FGF13: variants seen among roughly 807,000 people sequenced by gnomAD.
FGF13 encodes fibroblast growth factor homologous factor 2.
Under a neutral mutation model 19.5 loss-of-function variants are expected in FGF13, and 2 were observed. The observed-to-expected ratio is 0.10, with a 90% CI of 0.04 to 0.32. The LOEUF is 0.32. Ranked by LOEUF, FGF13 falls within the 10% of genes least tolerant of loss-of-function variation. FGF13 has a pLI of 1.00. For missense variants in FGF13, 113 were observed against 192.7 expected (o/e 0.59, Z 2.45); for synonymous variants, 72 against 76.9 (o/e 0.94, Z 0.33).
At chrX:139,161,380 C>A (rs1217470842) in intron 1 of FGF13, among the ~76,000 whole-genome samples, 3 of 111,618 alleles carry the variant, frequency 2.7e-5, no homozygotes, top group Non-Finnish European at 3.8e-5. Context: ...AACCCACAGT[C>A]AATATCATAA....
chrX:139,011,171 C>T (rs1317753372), intron 1 of FGF13, among the ~76,000 whole-genome samples: 1 of 110,454 alleles, frequency 9.1e-6, no homozygotes, highest in Non-Finnish European at 1.9e-5. Context: ...TAAAAATTGT[C>T]AGCAAAATAA....
chrX:138,842,924 C>T (rs1441082096), intron 3 of FGF13, among the ~76,000 whole-genome samples: 1 of 111,882 alleles, frequency 8.9e-6, no homozygotes, highest in Non-Finnish European at 1.9e-5. Context: ...AAAAGAATCA[C>T]TAACAGATTT....
At chrX:138,999,626 A>T (rs767554429) in intron 1 of FGF13, among the ~76,000 whole-genome samples, 10 of 112,171 alleles carry the variant, frequency 8.9e-5, no homozygotes, top group East Asian at 5.6e-4. Flanking sequence ...CCCTCCCAAG[A>T]CTAAATCAGG....
chrX:138,874,186 T>TA (rs560392617), intron 1 of FGF13, among the ~76,000 whole-genome samples: 67 of 94,375 alleles, frequency 7.1e-4, no homozygotes, highest in South Asian at 1.5e-3. Context: ...AAAGTAAAAT[T>TA]AAAAAAAAAA....
chrX:139,153,737 A>G (rs769590760), intron 1 of FGF13, among the ~76,000 whole-genome samples: 9 of 112,101 alleles, frequency 8.0e-5, no homozygotes, highest in African/African-American at 2.9e-4. Flanking sequence ...CTCTACAGAT[A>G]TAATCAAGGT....
chrX:138,803,708 C>T (rs759932569), intron 3 of FGF13, among the ~76,000 whole-genome samples: 2 of 112,163 alleles, frequency 1.8e-5, no homozygotes, highest in East Asian at 2.8e-4. Context: ...AGTTATCTGA[C>T]GATGTCATTG....
chrX:138,907,793 T>C (rs1311897649), intron 1 of FGF13, among the ~76,000 whole-genome samples: 1 of 111,516 alleles, frequency 9.0e-6, no homozygotes, highest in East Asian at 2.8e-4. Flanking sequence ...ACTGGCAGCT[T>C]TACTTGGTTT....
At chrX:139,022,728 T>C (rs1018724312) in intron 1 of FGF13, among the ~76,000 whole-genome samples, 1 of 111,032 alleles carries the variant, frequency 9.0e-6, no homozygotes, top group Non-Finnish European at 1.9e-5. Flanking sequence ...CCCAGCCACA[T>C]GAAAGAGCCT....
intron 1 of FGF13, among the ~76,000 whole-genome samples, chrX:138,932,387 T>G (rs972774456): frequency 9.0e-6 from 1 of 111,103 alleles, no homozygotes; most frequent in Non-Finnish European, 1.9e-5. Context: ...AAGACCAGCC[T>G]GCCCAACATG....
At chrX:139,113,604 C>T in intron 1 of FGF13, among the ~76,000 whole-genome samples, 1 of 112,551 alleles carries the variant, frequency 8.9e-6, no homozygotes, top group Non-Finnish European at 1.9e-5. Flanking sequence ...GTGGATTATA[C>T]TTGGCTTATC....
intron 3 of FGF13, among the ~76,000 whole-genome samples, chrX:138,755,919 A>C (rs1300271823): frequency 8.9e-6 from 1 of 112,121 alleles, no homozygotes; most frequent in Non-Finnish European, 1.9e-5. Context: ...GAGGTGATTA[A>C]GTTAAAATGA....
At chrX:139,171,746 C>T (rs2084134931) in intron 1 of FGF13, among the ~76,000 whole-genome samples, 1 of 112,456 alleles carries the variant, frequency 8.9e-6, no homozygotes, top group African/African-American at 3.2e-5. Context: ...GGACTTATCA[C>T]AGATATGTGA....
chrX:138,916,721 T>A (rs902934453), intron 1 of FGF13, among the ~76,000 whole-genome samples: 1 of 112,234 alleles, frequency 8.9e-6, no homozygotes, highest in Non-Finnish European at 1.9e-5. Flanking sequence ...CTGATCATAT[T>A]TCAGTGAGAC....
At chrX:138,708,972 T>C in intron 1 of FGF13, 44 bp from the exon 2 acceptor site, 6 of 768,142 alleles carry the variant, frequency 7.8e-6, no homozygotes, top group Non-Finnish European at 1.1e-5. Flanking sequence ...AAATTGTGCC[T>C]ATGTAGTTGA....
chrX:138,637,550 C>CA (rs1435083250), intron 3 of FGF13, among the ~76,000 whole-genome samples: 3 of 112,150 alleles, frequency 2.7e-5, no homozygotes, highest in African/African-American at 9.7e-5. Context: ...AGTCAGGTCC[C>CA]AAAAATGGGC....
chrX:138,694,598 C>A (rs1404542002), intron 3 of FGF13, among the ~76,000 whole-genome samples: 2 of 107,110 alleles, frequency 1.9e-5, no homozygotes, highest in Non-Finnish European at 1.9e-5. Flanking sequence ...CTACAGGCGC[C>A]TGCCACCAAG....
At chrX:138,737,570 A>G (rs1243144316) in intron 1 of FGF13, among the ~76,000 whole-genome samples, 1 of 112,020 alleles carries the variant, frequency 8.9e-6, no homozygotes. Context: ...CTATAAGTCT[A>G]TTGTAAGCAT....
In FGF13 at chrX:139,117,127, A is replaced by G. The variant is rs142026710; in HGVS notation, c.-113+86289T>C. 8.0e-3 allele frequency among the ~76,000 whole-genome samples: 886 copies of G among 111,389 alleles called. 11 individuals carry two copies. The highest frequency in any genetic ancestry group is 0.027 in the African/African-American group (838 of 30,649). On this transcript the variant is annotated intron_variant, in intron 1 of 2. Transcript: ENST00000421460. Reference sequence around the variant, plus strand: ...AAAAAAAAGGAAGGCACCAGAGACCACTTAACCCAGTGGTTCTCAACTGGG... The same window carrying G: ...AAAAAAAAGGAAGGCACCAGAGACCGCTTAACCCAGTGGTTCTCAACTGGG...
rs370699077 is a variant in FGF13, at chrX:138,682,451, G to GGT, written c.402+20531_402+20532dup. ...TCCTTTCCTCTGTTAATATCAGAGG[G>GGT]GTGTGTGTGTGTGTGTGCGTGCGTG... On this transcript the variant is annotated intron_variant, in intron 3 of 4. Coordinates refer to ENST00000315930, the MANE Select transcript of FGF13 (RefSeq NM_004114.5). 2.7e-3 allele frequency among the ~76,000 whole-genome samples: 297 copies of GGT among 110,502 alleles called. 1 individual carries two copies. The highest frequency in any genetic ancestry group is 2.9e-3 in the Non-Finnish European group (153 of 52,471).
Sources: gnomAD v4.1 joint callset for allele counts (sites outside exome capture counted in the v4.1 genomes callset) on GRCh38, gnomAD v4.1.1 for gene constraint, MANE v1.5 for transcripts, NCBI Gene and HGNC (gene_info 2026-07-23, HGNC 2026-07-21) for gene names.